The following RPS6KA6 variants were observed in gnomAD, a reference collection of about 807,000 sequenced individuals.
RPS6KA6 encodes the protein ribosomal protein S6 kinase A6.
Under a neutral mutation model 65.4 loss-of-function variants are expected in RPS6KA6, and 27 were observed. The observed-to-expected ratio is 0.41, with a 90% CI of 0.30 to 0.57. The LOEUF (loss-of-function observed/expected upper bound fraction) is 0.57, where lower values mean the gene tolerates loss of function less well. RPS6KA6 is among the 20% of genes least tolerant of loss of function. The pLI is 0.24. For missense variants in RPS6KA6, 486 were observed against 555.6 expected, an observed-to-expected ratio of 0.87 and a Z score of 1.26; for synonymous variants, 190 against 184.2, an observed-to-expected ratio of 1.03 and a Z score of -0.26.
intron 6 of RPS6KA6, among the ~76,000 whole-genome samples, chrX:84,143,017 T>C (rs1244031479): frequency 9.0e-6 from 1 of 110,586 alleles, no homozygotes. Flanking sequence ...AAAATAGACA[T>C]AATAATACAA....
intron 8 of RPS6KA6, among the ~76,000 whole-genome samples, chrX:84,133,923 CTGTT>C (rs1215453883): frequency 5.4e-5 from 6 of 111,960 alleles, no homozygotes; most frequent in South Asian, 3.6e-4. Context: ...TTTGAGGTAA[CTGTT>C]TGATATTTTA....
intron 1 of RPS6KA6, among the ~76,000 whole-genome samples, chrX:84,172,321 C>T (rs780373319): frequency 7.1e-5 from 8 of 111,918 alleles, no homozygotes; most frequent in African/African-American, 2.6e-4. Flanking sequence ...ACCGCAAGAA[C>T]ATAATTTCAT....
At chrX:84,143,794 G>T (rs748380145) in intron 6 of RPS6KA6, among the ~76,000 whole-genome samples, 2 of 111,135 alleles carry the variant, frequency 1.8e-5, no homozygotes, top group Non-Finnish European at 3.8e-5. Context: ...ATATTATAAA[G>T]GTACAGTAAT....
chrX:84,069,978 C>A (rs2033498981), intron 20 of RPS6KA6, among the ~76,000 whole-genome samples: 2 of 111,817 alleles, frequency 1.8e-5, no homozygotes, highest in Non-Finnish European at 3.8e-5. Context: ...TAAATTAGTT[C>A]AACCATTGTG....
intron 17 of RPS6KA6, among the ~76,000 whole-genome samples, chrX:84,102,667 G>A (rs878976593): frequency 9.0e-6 from 1 of 111,002 alleles, no homozygotes; most frequent in Admixed American, 9.6e-5. Flanking sequence ...GAAGGCACTG[G>A]AGAATGAACA....
At chrX:84,180,396 AT>A (rs1304357140) in intron 1 of RPS6KA6, among the ~76,000 whole-genome samples, 1 of 110,811 alleles carries the variant, frequency 9.0e-6, no homozygotes, top group African/African-American at 3.3e-5. Context: ...CTTGTTCTTT[AT>A]TTTTTTATTT....
At chrX:84,184,145 T>C (rs962044889) in intron 1 of RPS6KA6, among the ~76,000 whole-genome samples, 4 of 112,693 alleles carry the variant, frequency 3.5e-5, no homozygotes, top group African/African-American at 9.7e-5. Flanking sequence ...AATATAACTT[T>C]GTATTTTATC....
intron 17 of RPS6KA6, 72 bp from the exon 18 acceptor site, chrX:84,102,270 T>A (rs1201438155): frequency 5.7e-6 from 3 of 523,146 alleles, no homozygotes; most frequent in Non-Finnish European, 8.1e-6. Flanking sequence ...ACATTATATC[T>A]ATATAATTAA....
chrX:84,095,395 A>G (rs188241464), intron 20 of RPS6KA6, among the ~76,000 whole-genome samples: 2 of 111,977 alleles, frequency 1.8e-5, no homozygotes, highest in African/African-American at 6.5e-5. Context: ...TATAAATGTA[A>G]GAAATTAGTT....
intron 20 of RPS6KA6, among the ~76,000 whole-genome samples, chrX:84,095,087 A>G (rs1241429298): frequency 3.6e-5 from 4 of 111,817 alleles, no homozygotes; most frequent in African/African-American, 9.7e-5. Flanking sequence ...AGCACACAGC[A>G]TACTCATACT....
intron 9 of RPS6KA6, among the ~76,000 whole-genome samples, chrX:84,119,104 T>G (rs6622919): frequency 0.051 from 5,715 of 111,816 alleles, 200 homozygotes; most frequent in East Asian, 0.21. Context: ...TCAGCTTACA[T>G]TAAATCTTCC....
chrX:84,088,963 A>G (rs980881537), intron 20 of RPS6KA6, among the ~76,000 whole-genome samples: 2 of 111,674 alleles, frequency 1.8e-5, no homozygotes, highest in African/African-American at 6.5e-5. Flanking sequence ...GACTGCCTGG[A>G]CTTCCCAGAG....
intron 20 of RPS6KA6, among the ~76,000 whole-genome samples, chrX:84,074,010 C>T (rs754644262): frequency 9.0e-6 from 1 of 111,597 alleles, no homozygotes; most frequent in African/African-American, 3.3e-5. Flanking sequence ...ATCCAGCAGT[C>T]CCACTACTGG....
intron 1 of RPS6KA6, among the ~76,000 whole-genome samples, chrX:84,179,154 T>C (rs2035811077): frequency 1.8e-5 from 2 of 111,392 alleles, no homozygotes; most frequent in African/African-American, 6.5e-5. Flanking sequence ...AATAAGCATA[T>C]GAAAATATGC....
chrX:84,089,766 A>T (rs1040427731), intron 20 of RPS6KA6, among the ~76,000 whole-genome samples: 2 of 111,100 alleles, frequency 1.8e-5, no homozygotes, highest in Admixed American at 1.9e-4. Flanking sequence ...TTTCTCCTCC[A>T]TGGGTCGAGT....
intron 3 of RPS6KA6, among the ~76,000 whole-genome samples, chrX:84,154,746 T>C (rs931054277): frequency 1.9e-4 from 21 of 111,126 alleles, no homozygotes; most frequent in African/African-American, 6.9e-4. Context: ...CCTATCTCCC[T>C]GTCTTATATA....
Position 84,135,259 on chromosome X carries a change from T to C in RPS6KA6, c.502-49A>G, listed in dbSNP as rs759750423. ...ATTTGATCTTTCTTTCAATATTCAG[T>C]ATATTTAAAAATACTTCTTTCAAAA... On this transcript the variant is annotated intron_variant, in intron 6 of 21. Transcript: ENST00000262752. 4.6e-6 allele frequency: 4 copies of C among 861,579 alleles called. No individual in the cohort carries two copies. The South Asian group carries it at 9.5e-5, about 20-fold the overall frequency. The allele number at this position is 861,579 out of a possible 1,213,427, so 71.0% of individuals were successfully genotyped here.
At position 84,061,697 on chromosome X, in the gene RPS6KA6, A is replaced by T. The variant is rs1348002634; in HGVS notation, c.*2580T>A. 9.0e-6 allele frequency: 1 copy of T among 111,004 alleles called. No individual in the cohort carries two copies. Among genetic ancestry groups the T allele is most frequent in the South Asian group, 3.7e-4 (1 of 2,667 alleles). The allele number at this position is 111,004 out of a possible 1,213,427, so 9.1% of individuals were successfully genotyped here. A position where few individuals can be genotyped will look rare whatever the true frequency, so the allele number is the denominator to read the frequency against. On this transcript the variant is annotated 3_prime_UTR_variant, in exon 22 of 22. Transcript: ENST00000262752. ...TATCCTCCCCCTTCAAGAACAATAAAACCCCAAACTGTGCTATCATTAAAT... is the reference window on the plus strand; with the variant it reads ...TATCCTCCCCCTTCAAGAACAATAATACCCCAAACTGTGCTATCATTAAAT...
rs967871245 is a variant in RPS6KA6, at chrX:84,117,108, G to C, written c.901C>G (p.Gln301Glu). 8.4e-7 allele frequency: 1 copy of C among 1,195,333 alleles called. No individual in the cohort carries two copies. The highest frequency in any genetic ancestry group is 1.8e-5 in the African/African-American group (1 of 56,954). ...TTGAATAACATCCTTAGAAGACTTTGTGCTTCAGCACTAAGAAATTGAGGC... is the reference window on the plus strand; with the variant it reads ...TTGAATAACATCCTTAGAAGACTTTCTGCTTCAGCACTAAGAAATTGAGGC... ...GMPQFLSAEAQSLLRMLFKRN... is the reference protein window; with the variant it reads ...GMPQFLSAEAESLLRMLFKRN... The change falls in exon 11 of 22, where the codon CAA (glutamine) becomes GAA (glutamate). Residue 301 changes from glutamine (Q) to glutamate (E), a missense_variant. Transcript: ENST00000262752.
Sources: gnomAD v4.1 joint callset for allele counts (sites outside exome capture counted in the v4.1 genomes callset) on GRCh38, gnomAD v4.1.1 for gene constraint, MANE v1.5 for transcripts, NCBI Gene and HGNC (gene_info 2026-07-23, HGNC 2026-07-21) for gene names.